SIPA1L3: variants seen among roughly 807,000 people sequenced by gnomAD.
SIPA1L3 encodes signal induced proliferation associated 1 like 3.
Under a neutral mutation model 150.1 loss-of-function variants are expected in SIPA1L3, and 59 were observed. The ratio of observed to expected loss-of-function variants is 0.39; its 90% CI spans 0.32 to 0.49. The LOEUF is 0.49. Ranked by LOEUF, SIPA1L3 falls within the 20% of genes least tolerant of loss-of-function variation. The pLI is 0.86. For missense variants in SIPA1L3, 2,211 were observed against 2,489.5 expected, an observed-to-expected ratio of 0.89 and a Z score of 2.38; for synonymous variants, 1,070 against 1,077.6, an observed-to-expected ratio of 0.99 and a Z score of 0.14.
intron 1 of SIPA1L3, among the ~76,000 whole-genome samples, chr19:37,935,584 G>T (rs1183590915): frequency 6.6e-6 from 1 of 152,286 alleles, no homozygotes. Flanking sequence ...CTTGCTTGGG[G>T]TCTGTTATGT....
intron 1 of SIPA1L3, among the ~76,000 whole-genome samples, chr19:37,908,429 T>C (rs1394803339): frequency 6.6e-6 from 1 of 152,208 alleles, no homozygotes; most frequent in African/African-American, 2.4e-5. Flanking sequence ...CTGTGGGCTG[T>C]GACATGACAG....
intron 15 of SIPA1L3, among the ~76,000 whole-genome samples, chr19:38,178,785 GT>G (rs1184046976): frequency 1.3e-5 from 2 of 152,028 alleles, no homozygotes; most frequent in African/African-American, 4.8e-5. Context: ...CAGGCCAAAT[GT>G]TAAGCTGAAG....
At chr19:37,978,954 T>A (rs1967136409) in intron 1 of SIPA1L3, among the ~76,000 whole-genome samples, 1 of 151,698 alleles carries the variant, frequency 6.6e-6, no homozygotes, top group South Asian at 2.1e-4. Context: ...CCAGCCTGGG[T>A]GACAGAGACC....
intron 12 of SIPA1L3, among the ~76,000 whole-genome samples, chr19:38,148,935 G>A (rs1971761137): frequency 6.6e-6 from 1 of 152,174 alleles, no homozygotes; most frequent in Admixed American, 6.5e-5. Flanking sequence ...TCTTCTGCCG[G>A]GGATGTTTCC....
In SIPA1L3 at chr19:38,047,666, G is replaced by A. The variant is rs73930340; in HGVS notation, c.-311+18510G>A. 8.2e-3 allele frequency among the ~76,000 whole-genome samples: 1,255 copies of A among 152,260 alleles called. 20 individuals carry two copies. The highest frequency in any genetic ancestry group is 0.028 in the African/African-American group (1,157 of 41,552). On this transcript the variant is annotated intron_variant, in intron 2 of 21. Coordinates refer to ENST00000222345, the MANE Select transcript of SIPA1L3 (RefSeq NM_015073.3). This position sits in a 1 kb window ranked among gnomAD's most constrained non-coding sequence, Gnocchi z 4.7. ...CCCCAGAGCGCACGCTCCTTTGCCCGCCCCTGCCACACTGGTATCTTTCCC... is the reference window on the plus strand; with the variant it reads ...CCCCAGAGCGCACGCTCCTTTGCCCACCCCTGCCACACTGGTATCTTTCCC...
intron 7 of SIPA1L3, among the ~76,000 whole-genome samples, chr19:38,107,199 A>G (rs1176144144): frequency 6.6e-6 from 1 of 152,152 alleles, no homozygotes. Flanking sequence ...CAGCAGAAAG[A>G]GTGCTGTTTT....
At chr19:38,020,711 C>T (rs1458339730) in intron 1 of SIPA1L3, among the ~76,000 whole-genome samples, 1 of 152,212 alleles carries the variant, frequency 6.6e-6, no homozygotes, top group African/African-American at 2.4e-5. Context: ...GGTCCCCAAG[C>T]ATTAATTCGG....
At chr19:37,920,801 A>AC (rs2046451579) in intron 1 of SIPA1L3, among the ~76,000 whole-genome samples, 2 of 152,220 alleles carry the variant, frequency 1.3e-5, no homozygotes, top group African/African-American at 4.8e-5. Flanking sequence ...AGCAGTGGGA[A>AC]CACCCGGCCA....
At chr19:38,148,774 G>T (rs1971756464) in intron 12 of SIPA1L3, among the ~76,000 whole-genome samples, 1 of 152,184 alleles carries the variant, frequency 6.6e-6, no homozygotes, top group Non-Finnish European at 1.5e-5. Context: ...CCCAGAGTCA[G>T]TACCTCCAGC....
intron 16 of SIPA1L3, among the ~76,000 whole-genome samples, chr19:38,188,310 G>T (rs919862096): frequency 6.6e-6 from 1 of 151,742 alleles, no homozygotes; most frequent in African/African-American, 2.4e-5. Flanking sequence ...TCAGCCTCCC[G>T]AGTAGCTGGG....
At chr19:38,030,623 A>AATATATATATATATATATATATATAT (rs757828313) in intron 2 of SIPA1L3, among the ~76,000 whole-genome samples, 2 of 42,630 alleles carry the variant, frequency 4.7e-5, no homozygotes, top group African/African-American at 5.9e-5. Context: ...ATATGTGGCA[A>AATATATATATATATATATATATATAT]ATATATATAT....
chr19:38,152,777 C>A, intron 12 of SIPA1L3, 63 bp from the exon 13 acceptor site: 7 of 1,537,212 alleles, frequency 4.6e-6, no homozygotes, highest in Non-Finnish European at 6.2e-6. Flanking sequence ...CAGGCTCAGG[C>A]TCAGGTGGTT....
intron 2 of SIPA1L3, among the ~76,000 whole-genome samples, chr19:38,034,126 C>T (rs1332716270): frequency 6.6e-6 from 1 of 152,134 alleles, no homozygotes; most frequent in African/African-American, 2.4e-5. Context: ...CGCATAGCCT[C>T]CCCTAGCTCC....
chr19:38,166,022 C>G (rs891774871), intron 15 of SIPA1L3, among the ~76,000 whole-genome samples: 32 of 152,272 alleles, frequency 2.1e-4, no homozygotes, highest in African/African-American at 7.7e-4. Context: ...CTCAGCCTCC[C>G]AAATTGCTGG....
chr19:38,177,844 G>A (rs1972471271), intron 15 of SIPA1L3, among the ~76,000 whole-genome samples: 1 of 152,004 alleles, frequency 6.6e-6, no homozygotes, highest in African/African-American at 2.4e-5. Flanking sequence ...TAGCCAACAT[G>A]GTGAAACCCC....
intron 1 of SIPA1L3, among the ~76,000 whole-genome samples, chr19:37,945,482 C>A (rs1294098785): frequency 6.6e-6 from 1 of 152,074 alleles, no homozygotes; most frequent in Non-Finnish European, 1.5e-5. Context: ...AGCAATCTGC[C>A]CACTTCAGCC....
At chr19:37,918,497 A>T (rs1022933964) in intron 1 of SIPA1L3, among the ~76,000 whole-genome samples, 4 of 151,812 alleles carry the variant, frequency 2.6e-5, no homozygotes, top group Admixed American at 1.3e-4. Context: ...TGACCTTGTG[A>T]TCCGCCTGCC....
At chr19:37,935,788 A>C (rs2145509928) in intron 1 of SIPA1L3, among the ~76,000 whole-genome samples, 1 of 152,254 alleles carries the variant, frequency 6.6e-6, no homozygotes, top group Non-Finnish European at 1.5e-5. Flanking sequence ...ATAGATTTAG[A>C]ACTGGCTCCA....
intron 1 of SIPA1L3, among the ~76,000 whole-genome samples, chr19:37,963,360 A>G (rs1243869007): frequency 6.6e-6 from 1 of 151,754 alleles, no homozygotes; most frequent in Non-Finnish European, 1.5e-5. Flanking sequence ...GACCTTACCA[A>G]GGCCTTGTGT....
Sources: allele counts gnomAD v4.1 joint callset (sites outside exome capture counted in the v4.1 genomes callset), GRCh38; gene constraint gnomAD v4.1.1; non-coding constraint Gnocchi (gnomAD v3.1); transcripts MANE v1.5; gene names NCBI Gene and HGNC (gene_info 2026-07-23, HGNC 2026-07-21).